GRIA4: variants seen among roughly 807,000 people sequenced by gnomAD.
GRIA4 encodes the protein glutamate receptor 4.
A neutral mutation model predicts 104.0 loss-of-function variants in GRIA4; 34 were observed. The observed-to-expected ratio is 0.33, with a 90% confidence interval of 0.25 to 0.44. The LOEUF (loss-of-function observed/expected upper bound fraction) is 0.44. Among genes scored for constraint, GRIA4 ranks in the 20% least tolerant of loss-of-function variants. The probability of loss-of-function intolerance (pLI) is 1.00; values close to 1 mark genes in which losing one functional copy is unlikely to be tolerated. For synonymous variants in GRIA4, 386 were observed against 381.9 expected, an observed-to-expected ratio of 1.01 and a Z score of -0.13; for missense variants, 750 against 1,096.5, an observed-to-expected ratio of 0.68 and a Z score of 4.46.
intron 3 of GRIA4, among the ~76,000 whole-genome samples, chr11:105,641,320 G>A (rs1164849813): frequency 6.6e-6 from 1 of 151,954 alleles, no homozygotes; most frequent in East Asian, 1.9e-4. Flanking sequence ...TTCTTCTATT[G>A]CATTCAATTT....
chr11:105,951,645 A>G (rs1169013489), intron 14 of GRIA4, among the ~76,000 whole-genome samples: 2 of 151,528 alleles, frequency 1.3e-5, no homozygotes, highest in Admixed American at 1.3e-4. Flanking sequence ...ATCTTTTCAC[A>G]TTTTTTTTTA....
chr11:105,766,583 G>T (rs1018320737), intron 4 of GRIA4, among the ~76,000 whole-genome samples: 2 of 152,020 alleles, frequency 1.3e-5, no homozygotes, highest in Admixed American at 6.6e-5. Flanking sequence ...TGTGTATATG[G>T]CTTAGTTTTG....
At chr11:105,724,405 A>G (rs546072354) in intron 3 of GRIA4, among the ~76,000 whole-genome samples, 1 of 18,892 alleles carries the variant, frequency 5.3e-5, no homozygotes, top group Admixed American at 9.1e-4. Flanking sequence ...ACATATATAT[A>G]TGTGCACACA....
intron 3 of GRIA4, among the ~76,000 whole-genome samples, chr11:105,674,135 C>G (rs1353708465): frequency 6.6e-6 from 1 of 151,972 alleles, no homozygotes; most frequent in South Asian, 2.1e-4. Flanking sequence ...ATAGTGAGCA[C>G]TTTTAATATG....
rs1244132945 is a variant in GRIA4 at position 105,924,394 on chromosome 11, T to C, written c.1477-5T>C. The C allele has an allele frequency of 6.3e-7, 1 of 1,576,070 alleles. No individual in the cohort carries two copies. The highest frequency in any genetic ancestry group is 2.2e-5 in the East Asian group (1 of 44,460). On this transcript the variant is annotated splice_polypyrimidine_tract_variant and splice_region_variant and intron_variant, in intron 11 of 16. Coordinates refer to ENST00000282499, the MANE Select transcript of GRIA4 (RefSeq NM_000829.4). ...ATGTGTCTCCATGTGTTTTTTCTCT[T>C]ATAGAAAGCAGAGATTGCTATTGCC...
chr11:105,669,081 T>C (rs1266752401), intron 3 of GRIA4, among the ~76,000 whole-genome samples: 1 of 151,988 alleles, frequency 6.6e-6, no homozygotes, highest in Non-Finnish European at 1.5e-5. Context: ...ATTTTTATAG[T>C]ATCTCCCACA....
intron 5 of GRIA4, among the ~76,000 whole-genome samples, chr11:105,881,221 A>T (rs1057002255): frequency 1.3e-5 from 2 of 152,160 alleles, no homozygotes; most frequent in African/African-American, 4.8e-5. Flanking sequence ...GTACTTATGT[A>T]CCAACTCCTC....
chr11:105,904,573 T>C (rs981592271), intron 8 of GRIA4, among the ~76,000 whole-genome samples: 3 of 152,212 alleles, frequency 2.0e-5, no homozygotes, highest in African/African-American at 7.2e-5. Context: ...TTTGTAACTT[T>C]GGATTAAGTA....
intron 11 of GRIA4, among the ~76,000 whole-genome samples, chr11:105,921,382 T>A (rs1947559377): frequency 6.7e-6 from 1 of 149,508 alleles, no homozygotes; most frequent in Non-Finnish European, 1.5e-5. Flanking sequence ...TCAAAGCACA[T>A]TCCATGGTCC....
chr11:105,836,534 T>C (rs1156324530), intron 4 of GRIA4, among the ~76,000 whole-genome samples: 1 of 152,100 alleles, frequency 6.6e-6, no homozygotes, highest in Non-Finnish European at 1.5e-5. Context: ...CATTCTTCCT[T>C]CTCTTATGTA....
intron 13 of GRIA4, among the ~76,000 whole-genome samples, chr11:105,929,780 C>T (rs1323713195): frequency 1.3e-5 from 2 of 152,026 alleles, no homozygotes; most frequent in Non-Finnish European, 2.9e-5. Context: ...TAACACATGA[C>T]ATTTGTACAC....
In GRIA4 at chr11:105,740,081, T is replaced by C. The variant is rs767278038; in HGVS notation, c.248-12900T>C. On this transcript the variant is annotated intron_variant, in intron 3 of 16. Transcript: ENST00000282499. ...AATTAAATGTATGAAAATGACAACATAACATCACCCTGATAAAACAAAATA... is the reference window on the plus strand; with the variant it reads ...AATTAAATGTATGAAAATGACAACACAACATCACCCTGATAAAACAAAATA... Among the ~76,000 whole-genome samples the C allele has an allele frequency of 1.2e-4, 18 of 152,216 alleles. No individual in the cohort carries two copies. The South Asian group carries it at 1.7e-3, about 14-fold the overall frequency.
At chr11:105,882,445 T>C (rs557696117) in intron 5 of GRIA4, among the ~76,000 whole-genome samples, 1 of 152,340 alleles carries the variant, frequency 6.6e-6, no homozygotes, top group Non-Finnish European at 1.5e-5. Flanking sequence ...AAAGGATTAA[T>C]GTAAAATCTG....
intron 3 of GRIA4, among the ~76,000 whole-genome samples, chr11:105,727,778 GCTT>G (rs1938313811): frequency 6.6e-6 from 1 of 152,150 alleles, no homozygotes; most frequent in African/African-American, 2.4e-5. Context: ...GCCAAACTAA[GCTT>G]CTTAAGTGAA....
chr11:105,719,976 C>G (rs927861404), intron 3 of GRIA4, among the ~76,000 whole-genome samples: 5 of 152,006 alleles, frequency 3.3e-5, no homozygotes, highest in East Asian at 3.9e-4. Context: ...GATCCCTCAG[C>G]AGTAGTACTA....
intron 3 of GRIA4, among the ~76,000 whole-genome samples, chr11:105,714,763 A>G (rs1470391500): frequency 6.6e-6 from 1 of 152,088 alleles, no homozygotes; most frequent in Non-Finnish European, 1.5e-5. Context: ...TAATTATTTG[A>G]TCTTTAGCCG....
In GRIA4 at chr11:105,612,269, T is replaced by G; in HGVS notation, c.89-7T>G. On this transcript the variant is annotated splice_region_variant and splice_polypyrimidine_tract_variant and intron_variant, in intron 2 of 16. Coordinates refer to ENST00000282499, the MANE Select transcript of GRIA4 (RefSeq NM_000829.4). ...AGTGAATGTGCTTTTCCTGCTGTTT[T>G]TAATAGGTGGTCTCTTCATCCGAAA... is the stretch of plus-strand genomic sequence containing the variant. 1 of 1,613,902 alleles carries G rather than the reference T, an allele frequency of 6.2e-7. No individual in the cohort carries two copies. The highest frequency in any genetic ancestry group is 2.2e-5 in the East Asian group (1 of 44,870).
At chr11:105,660,549 A>T (rs56020310) in intron 3 of GRIA4, among the ~76,000 whole-genome samples, 4,074 of 151,724 alleles carry the variant, frequency 0.027, 106 homozygotes, top group African/African-American at 0.066. Flanking sequence ...ATTTATTTTT[A>T]AAAATGAAGG....
intron 3 of GRIA4, among the ~76,000 whole-genome samples, chr11:105,698,485 G>A (rs1953366625): frequency 6.6e-6 from 1 of 152,010 alleles, no homozygotes; most frequent in African/African-American, 2.4e-5. Context: ...AAATTCTCTG[G>A]GCTATTCATT....
Sources: gnomAD v4.1 joint callset for allele counts (sites outside exome capture counted in the v4.1 genomes callset) on GRCh38, gnomAD v4.1.1 for gene constraint, MANE v1.5 for transcripts, NCBI Gene and HGNC (gene_info 2026-07-23, HGNC 2026-07-21) for gene names.